Variants in RTN3 observed in about 807,000 individuals in gnomAD.
RTN3 encodes the protein reticulon 3.
A neutral mutation model predicts 77.8 loss-of-function variants in RTN3; 49 were observed. The ratio of observed to expected loss-of-function variants is 0.63; its 90% CI spans 0.50 to 0.80. The LOEUF (loss-of-function observed/expected upper bound fraction) is 0.80. Ranked by LOEUF, RTN3 falls within the 30% of genes least tolerant of loss-of-function variation. The pLI is 0.00. For missense variants in RTN3, 1,236 were observed against 1,211.9 expected, an observed-to-expected ratio of 1.02 and a Z score of -0.29; for synonymous variants, 464 against 446.9, an observed-to-expected ratio of 1.04 and a Z score of -0.48.
intron 1 of RTN3, among the ~76,000 whole-genome samples, chr11:63,682,152 G>GA (rs1293323068): frequency 6.6e-6 from 1 of 152,194 alleles, no homozygotes; most frequent in Non-Finnish European, 1.5e-5. Context: ...CGGGCAGGTG[G>GA]GTGGTGGGAG....
Position 63,719,080 on chromosome 11 carries a change from G to C in RTN3, c.578G>C (p.Arg193Thr). 1 of 1,614,166 alleles carries C rather than the reference G, an allele frequency of 6.2e-7. No individual in the cohort carries two copies. Among genetic ancestry groups the C allele is most frequent in the Non-Finnish European group, 8.5e-7 (1 of 1,180,026 alleles). Residue 193 changes from arginine (R) to threonine (T), a missense_variant, in exon 3 of 9, where the codon AGG becomes ACG. Arg to Thr is a moderately conservative substitution (Grantham distance 71). Transcript: ENST00000377819. The stretch of plus-strand genomic sequence containing the variant: ...AAGAACCCAAATGGGGTATCAAGTA[G>C]GGAGGCTAAAACTGCATTGGATGCT... ...ETKNPNGVSS[R>T]EAKTALDADD...
At chr11:63,683,386 T>G (rs2134593474) in intron 1 of RTN3, among the ~76,000 whole-genome samples, 1 of 152,330 alleles carries the variant, frequency 6.6e-6, no homozygotes, top group South Asian at 2.1e-4. Flanking sequence ...TGTACTTACC[T>G]TTTGGGTTTT....
At chr11:63,703,108 AAAC>A (rs1285997628) in intron 1 of RTN3, among the ~76,000 whole-genome samples, 1 of 152,168 alleles carries the variant, frequency 6.6e-6, no homozygotes, top group African/African-American at 2.4e-5. Flanking sequence ...TTTTTTTAAA[AAAC>A]AACAATAAAA....
At chr11:63,747,200 A>G (rs531669384) in intron 3 of RTN3, among the ~76,000 whole-genome samples, 1 of 152,210 alleles carries the variant, frequency 6.6e-6, no homozygotes, top group Non-Finnish European at 1.5e-5. Context: ...CAGTGCATGC[A>G]CTATGTCTGG....
In RTN3 at chr11:63,681,545, G is replaced by C. The variant is rs895349140; in HGVS notation, c.-92G>C. ...CGGAGCAGGCGGAGTAAAGGGACTT[G>C]AGCGAGCCAGTTGCCGGATTATTCT... is the stretch of plus-strand genomic sequence containing the variant. On this transcript the variant is annotated 5_prime_UTR_variant, in exon 1 of 9. Coordinates refer to ENST00000377819, the MANE Select transcript of RTN3 (RefSeq NM_001265589.2). 1 of 1,341,488 alleles carries C rather than the reference G, an allele frequency of 7.5e-7. No homozygotes were observed. Among genetic ancestry groups the C allele is most frequent in the Non-Finnish European group, 1.0e-6 (1 of 991,846 alleles). 83.1% of individuals were successfully genotyped at this position (1,341,488 alleles called of 1,614,324 possible).
At chr11:63,755,475 G>C (rs907979462) in intron 7 of RTN3, among the ~76,000 whole-genome samples, 1 of 151,340 alleles carries the variant, frequency 6.6e-6, no homozygotes, top group Non-Finnish European at 1.5e-5. Context: ...AAGAAACCCT[G>C]TCTCTGTCTC....
chr11:63,746,481 C>T (rs2013801444), intron 3 of RTN3, among the ~76,000 whole-genome samples: 1 of 151,912 alleles, frequency 6.6e-6, no homozygotes, highest in South Asian at 2.1e-4. Context: ...ACGTAACCAA[C>T]GAAAGTTATT....
chr11:63,697,431 A>T (rs1942018499), intron 1 of RTN3, among the ~76,000 whole-genome samples: 1 of 151,198 alleles, frequency 6.6e-6, no homozygotes, highest in African/African-American at 2.4e-5. Flanking sequence ...TCAGCCTCCC[A>T]AGTCAAGTAG....
rs530081319 is a variant in RTN3, at chr11:63,720,131, C to T, written c.1629C>T (p.Pro543=). 5.6e-6 allele frequency: 9 copies of T among 1,613,516 alleles called. No individual in the cohort carries two copies. Among genetic ancestry groups the T allele is most frequent in the Non-Finnish European group, 7.6e-6 (9 of 1,179,860 alleles). ...KTGEREIKEI[P]SCEREEKTSK... The stretch of plus-strand genomic sequence containing the variant: ...GTGAAAGAGAAATCAAAGAGATTCC[C>T]AGTTGTGAGAGAGAAGAAAAAACAT... Residue 543 remains proline, a synonymous_variant, in exon 3 of 9, where the codon CCC becomes CCT. Transcript: ENST00000377819.
In RTN3 at chr11:63,758,906, T is replaced by G. The variant is rs1161577972; in HGVS notation, c.*705T>G. Reference sequence around the variant, plus strand: ...CCACTATCCCCAGGGAAGGAAAGGCTCCGCCATTTGGGAAAGTGGTTTCTA... The same window carrying G: ...CCACTATCCCCAGGGAAGGAAAGGCGCCGCCATTTGGGAAAGTGGTTTCTA... On this transcript the variant is annotated 3_prime_UTR_variant, in exon 9 of 9. Transcript: ENST00000377819. 3 of 152,436 alleles carry G rather than the reference T, an allele frequency of 2.0e-5. No homozygotes were observed. The highest frequency in any genetic ancestry group is 7.2e-5 in the African/African-American group (3 of 41,444). 9.4% of individuals were successfully genotyped at this position (152,436 alleles called of 1,614,324 possible).
chr11:63,702,948 G>A (rs1942316912), intron 1 of RTN3, among the ~76,000 whole-genome samples: 1 of 151,978 alleles, frequency 6.6e-6, no homozygotes, highest in Non-Finnish European at 1.5e-5. Context: ...GCCTCCCAAA[G>A]TGCTGGGATT....
chr11:63,704,890 T>C lies in RTN3; in HGVS notation c.182T>C (p.Leu61Pro), dbSNP rs1942422855. The C allele has an allele frequency of 1.9e-6, 3 of 1,612,024 alleles. No individual in the cohort carries two copies. Among genetic ancestry groups the C allele is most frequent in the Non-Finnish European group, 1.7e-6 (2 of 1,178,336 alleles). The change falls in exon 2 of 9, where the codon CTA becomes CCA. Residue 61 changes from leucine to proline, a missense_variant. Leu to Pro is a moderately conservative substitution (Grantham distance 98). Coordinates refer to ENST00000377819, the MANE Select transcript of RTN3 (RefSeq NM_001265589.2). Reference sequence around the variant, plus strand: ...TCCTCTTCCTCTCAGCCTGTATCTCTATTTTCGACCTCACAAGGCAAGTCT... The same window carrying C: ...TCCTCTTCCTCTCAGCCTGTATCTCCATTTTCGACCTCACAAGGCAAGTCT... ...VSSSSSQPVS[L>P]FSTSQEGLSS... is the part of the protein sequence containing the mutation.
chr11:63,682,258 C>T (rs1414313006), intron 1 of RTN3, among the ~76,000 whole-genome samples: 2 of 152,174 alleles, frequency 1.3e-5, no homozygotes, highest in East Asian at 1.9e-4. Context: ...TCATGATAGT[C>T]CTCCAAAATA....
At chr11:63,731,739 G>C (rs1424260568) in intron 3 of RTN3, among the ~76,000 whole-genome samples, 1 of 152,132 alleles carries the variant, frequency 6.6e-6, no homozygotes, top group Admixed American at 6.6e-5. Flanking sequence ...TGCAACCTCT[G>C]CCTCCCGGGT....
rs764385400 is a variant in RTN3, at chr11:63,720,250, C to G, written c.1748C>G (p.Ser583Ter). 1.2e-6 allele frequency: 2 copies of G among 1,613,808 alleles called. No individual in the cohort carries two copies. The highest frequency in any genetic ancestry group is 1.7e-6 in the Non-Finnish European group (2 of 1,179,974). ...GRSPASEAACSKVPDTNVSLE... is the reference protein window; with the variant it reads ...GRSPASEAAC ...AGTCCAGCTAGTGAGGCAGCATGTT[C>G]AAAAGTACCCGATACGAATGTCTCC... The change falls in exon 3 of 9, where the codon TCA (serine) becomes TGA (stop). Residue 583 changes from serine (S) to a stop codon, truncating the protein, a stop_gained. Coordinates refer to ENST00000377819, the MANE Select transcript of RTN3 (RefSeq NM_001265589.2). LOFTEE classifies it high-confidence loss of function.
At position 63,720,307 on chromosome 11, in the gene RTN3, A is replaced by G. The variant is rs772946812; in HGVS notation, c.1805A>G (p.Lys602Arg). The G allele has an allele frequency of 6.2e-7, 1 of 1,613,282 alleles. No individual in the cohort carries two copies. The highest frequency in any genetic ancestry group is 1.3e-5 in the African/African-American group (1 of 75,020). ...LEDVSEVAPE[K>R]PITTENPKLP... ...GATGTGAGTGAAGTTGCTCCTGAAA[A>G]GCCTATTACTACTGAGAACCCCAAA... Residue 602 changes from lysine to arginine, a missense_variant, in exon 3 of 9, where the codon AAG becomes AGG. Physicochemically the swap from Lys to Arg is conservative, Grantham distance 26 (BLOSUM62 2). Coordinates refer to ENST00000377819, the MANE Select transcript of RTN3 (RefSeq NM_001265589.2).
intron 3 of RTN3, among the ~76,000 whole-genome samples, chr11:63,735,564 C>CTCTCTCTCTCTCTCTCTA (rs2013046624): frequency 7.2e-6 from 1 of 139,276 alleles, no homozygotes; most frequent in Non-Finnish European, 1.6e-5. Context: ...CTCTCTCTCT[C>CTCTCTCTCTCTCTCTCTA]TCTCTCTCTC....
intron 3 of RTN3, among the ~76,000 whole-genome samples, chr11:63,729,512 C>T (rs1285252877): frequency 7.5e-6 from 1 of 133,046 alleles, no homozygotes; most frequent in African/African-American, 2.9e-5. Context: ...GTCTGGAGTG[C>T]AGTGGTGCAA....
chr11:63,708,996 T>G (rs1942622151), intron 2 of RTN3, among the ~76,000 whole-genome samples: 1 of 152,220 alleles, frequency 6.6e-6, no homozygotes, highest in African/African-American at 2.4e-5. Context: ...TAAGCAGTTC[T>G]ATGAAGGGAA....
Sources: allele counts gnomAD v4.1 joint callset (sites outside exome capture counted in the v4.1 genomes callset), GRCh38; gene constraint gnomAD v4.1.1; transcripts MANE v1.5; gene names NCBI Gene and HGNC (gene_info 2026-07-23, HGNC 2026-07-21).